The following CCDC122 variants were observed in gnomAD, a reference collection of about 807,000 sequenced individuals.
The protein encoded by CCDC122 is coiled-coil domain-containing protein 122.
A neutral mutation model predicts 37.0 loss-of-function variants in CCDC122; 38 were observed. The ratio of observed to expected loss-of-function variants is 1.03; its 90% confidence interval spans 0.79 to 1.35. The LOEUF (loss-of-function observed/expected upper bound fraction) is 1.35, where lower values mean the gene tolerates loss of function less well. CCDC122 is among the 40% of genes most tolerant of loss of function. The probability of loss-of-function intolerance (pLI) is 0.00; values close to 1 mark genes in which losing one functional copy is unlikely to be tolerated. For missense variants in CCDC122, 305 were observed against 310.0 expected, an observed-to-expected ratio of 0.98 and a Z score of 0.12; for synonymous variants, 83 against 95.6, an observed-to-expected ratio of 0.87 and a Z score of 0.77.
At chr13:43,832,129 C>CAAAAA (rs11323501), downstream of CCDC122, among the ~76,000 whole-genome samples, 1 of 117,010 alleles carries the variant, frequency 8.5e-6, no homozygotes. Context: ...ATTTATCAGC[C>CAAAAA]AAAAAAAAAA....
chr13:43,830,377 G>A (rs1332831711), intron 3 of CCDC122, among the ~76,000 whole-genome samples: 1 of 152,144 alleles, frequency 6.6e-6, no homozygotes, highest in Admixed American at 6.5e-5. Context: ...GACTTAGTTT[G>A]GGATTCCCAG....
chr13:43,835,657 A>G (rs755038797), downstream of CCDC122, among the ~76,000 whole-genome samples: 25 of 152,220 alleles, frequency 1.6e-4, no homozygotes, highest in Non-Finnish European at 3.1e-4. Flanking sequence ...TTTTGAATCT[A>G]TAACTCAAGG....
chr13:43,876,386 CT>C (rs780709451), intron 1 of CCDC122, among the ~76,000 whole-genome samples: 6 of 152,144 alleles, frequency 3.9e-5, no homozygotes, highest in African/African-American at 1.4e-4. Flanking sequence ...ATAAAAATGT[CT>C]GGTGAGTTCT....
intron 6 of CCDC122, among the ~76,000 whole-genome samples, chr13:43,853,163 AAATGCCCCAGTTAAAAGGGACAGAGTGGC>A (rs1182857113): frequency 6.6e-6 from 1 of 152,208 alleles, no homozygotes; most frequent in Non-Finnish European, 1.5e-5. Flanking sequence ...TAAATGGGCT[AAATGCCCCAGTTAAAAGGGACAGAGTGGC>A]AAGCTGGATA....
chr13:43,830,495 A>G (rs1389695102), intron 3 of CCDC122, among the ~76,000 whole-genome samples: 1 of 152,198 alleles, frequency 6.6e-6, no homozygotes, highest in African/African-American at 2.4e-5. Flanking sequence ...GAAGCCGAGC[A>G]AGGCTGCAAT....
intron 4 of CCDC122, among the ~76,000 whole-genome samples, chr13:43,866,959 C>T (rs182915941): frequency 3.7e-4 from 56 of 152,178 alleles, no homozygotes; most frequent in Admixed American, 3.6e-3. Flanking sequence ...ACTACCAGTA[C>T]CATCCTGAAT....
intron 6 of CCDC122, among the ~76,000 whole-genome samples, chr13:43,838,587 T>TTAGGCTCTC (rs1953240749): frequency 1.3e-5 from 2 of 152,230 alleles, no homozygotes; most frequent in South Asian, 4.1e-4. Context: ...GTACCAACTC[T>TTAGGCTCTC]ATGAAGTTAC....
rs1025961586 is a variant in CCDC122 at position 43,849,478 on chromosome 13, G to A, written c.672+9303C>T. 1.4e-4 allele frequency among the ~76,000 whole-genome samples: 22 copies of A among 152,188 alleles called. 1 individual carries two copies. The highest frequency in any genetic ancestry group is 4.8e-4 in the African/African-American group (20 of 41,454). ...AGCTCATGAAAGTTGGAGAGAAGAA[G>A]GCAAACTGTTTAGGGAACCTCAAGA... On this transcript the variant is annotated intron_variant, in intron 6 of 6. Coordinates refer to ENST00000444614, the MANE Select transcript of CCDC122 (RefSeq NM_144974.5).
In CCDC122 at chr13:43,867,171, ATTCT is replaced by A. The variant is rs1236088651; in HGVS notation, c.156+1519_156+1522del. On this transcript the variant is annotated intron_variant, in intron 4 of 6. Coordinates refer to ENST00000444614, the MANE Select transcript of CCDC122 (RefSeq NM_144974.5). ...AATAAGTGCTTTTTATGTATCTAGAATTCTTTCTAAAATATAAATTTAATATTTG... is the reference window on the plus strand; with the variant it reads ...AATAAGTGCTTTTTATGTATCTAGAATTCTAAAATATAAATTTAATATTTG... Among the ~76,000 whole-genome samples the A allele has an allele frequency of 5.3e-5, 8 of 152,124 alleles. No individual in the cohort carries two copies. The East Asian group carries it at 1.5e-3, about 29-fold the overall frequency.
intron 6 of CCDC122, among the ~76,000 whole-genome samples, chr13:43,846,254 T>C (rs770800153): frequency 1.5e-4 from 23 of 152,134 alleles, no homozygotes; most frequent in Non-Finnish European, 2.2e-4. Flanking sequence ...TTTGTATTTT[T>C]AGTAAGACAG....
intron 6 of CCDC122, 26 bp from the exon 7 acceptor site, chr13:43,837,455 C>T: frequency 6.3e-7 from 1 of 1,597,342 alleles, no homozygotes; most frequent in Non-Finnish European, 8.5e-7. Flanking sequence ...CACACATCAA[C>T]AGGGCTTGTG....
chr13:43,832,185 G>T (rs1466805029), downstream of CCDC122, among the ~76,000 whole-genome samples: 2 of 145,268 alleles, frequency 1.4e-5, no homozygotes, highest in Non-Finnish European at 3.0e-5. Context: ...TAAAATAACA[G>T]ATAACATGGG....
downstream of CCDC122, among the ~76,000 whole-genome samples, chr13:43,832,362 A>C (rs2153868522): frequency 6.6e-6 from 1 of 152,256 alleles, no homozygotes; most frequent in African/African-American, 2.4e-5. Flanking sequence ...TCCCCCGCAA[A>C]TAGTTCCAAA....
In CCDC122 at chr13:43,876,980, G is replaced by A. The variant is rs369659826; in HGVS notation, c.-199-2053C>T. 1.2e-4 allele frequency among the ~76,000 whole-genome samples: 19 copies of A among 152,202 alleles called. No homozygotes were observed. The East Asian group carries it at 3.5e-3, about 28-fold the overall frequency. ...ACAAAAATTAGCCGGGCGTGGTGGT[G>A]CACGCCTGTAATCCTAGCTACTTGG... On this transcript the variant is annotated intron_variant, in intron 1 of 6. Coordinates refer to ENST00000444614, the MANE Select transcript of CCDC122 (RefSeq NM_144974.5).
At position 43,828,588 on chromosome 13, in the gene CCDC122, ACACACACACACG is replaced by A. The variant is rs764332645; in HGVS notation, n.602-4589_602-4578del. Among the ~76,000 whole-genome samples, 262 of 144,276 alleles carry A rather than the reference ACACACACACACG, an allele frequency of 1.8e-3. 2 individuals are homozygous for A. The highest frequency in any genetic ancestry group is 3.6e-3 in the Admixed American group (52 of 14,320). The allele number at this position is 144,276 out of a possible 152,430, so 94.7% of individuals were successfully genotyped here. A position where few individuals can be genotyped will look rare whatever the true frequency, so the allele number is the denominator to read the frequency against. ...CACACACACACACACACACACACACACACACACACACGTGTCTTTCTTGTCAACTAAATTGAT... is the reference window on the plus strand; with the variant it reads ...CACACACACACACACACACACACACATGTCTTTCTTGTCAACTAAATTGAT... On this transcript the variant is annotated intron_variant and non_coding_transcript_variant, in intron 3 of 3. Transcript: ENST00000470137.
chr13:43,870,570 C>T (rs17065164), intron 2 of CCDC122, among the ~76,000 whole-genome samples: 7,474 of 152,060 alleles, frequency 0.049, 372 homozygotes, highest in African/African-American at 0.12. Flanking sequence ...TTACTTTGTG[C>T]TAGTCACTGT....
chr13:43,853,287 A>C (rs1953803726), intron 6 of CCDC122, among the ~76,000 whole-genome samples: 1 of 152,058 alleles, frequency 6.6e-6, no homozygotes, highest in South Asian at 2.1e-4. Context: ...AAAGGGATAG[A>C]GGAAAATCCA....
chr13:43,837,906 A>G (rs1953218758), intron 6 of CCDC122, among the ~76,000 whole-genome samples: 1 of 152,152 alleles, frequency 6.6e-6, no homozygotes, highest in Non-Finnish European at 1.5e-5. Context: ...AACTAACTAA[A>G]AGCCTAACTA....
intron 6 of CCDC122, among the ~76,000 whole-genome samples, chr13:43,842,685 G>C (rs1953395826): frequency 6.6e-6 from 1 of 151,816 alleles, no homozygotes; most frequent in Admixed American, 6.6e-5. Flanking sequence ...CATTTATTTA[G>C]TATCTTTAAT....
Sources: allele counts gnomAD v4.1 joint callset (sites outside exome capture counted in the v4.1 genomes callset), GRCh38; gene constraint gnomAD v4.1.1; transcripts MANE v1.5; gene names NCBI Gene and HGNC (gene_info 2026-07-23, HGNC 2026-07-21).